The following CCNF variants were observed in gnomAD, a reference collection of about 807,000 sequenced individuals.
The protein encoded by CCNF is cyclin-F.
CCNF carries 30 observed loss-of-function variants against 85.4 expected under a neutral mutation model. That is an observed-to-expected ratio of 0.35 (90% CI 0.26 to 0.48). The LOEUF (loss-of-function observed/expected upper bound fraction) is 0.48. Ranked by LOEUF, CCNF falls within the 20% of genes least tolerant of loss-of-function variation. CCNF has a pLI of 0.99. For missense variants in CCNF, 919 were observed against 1,010.4 expected (o/e 0.91, Z 1.23); for synonymous variants, 439 against 425.1 (o/e 1.03, Z -0.40).
chr16:2,441,816 CA>C (rs1199135856), intron 8 of CCNF, among the ~76,000 whole-genome samples: 3 of 147,664 alleles, frequency 2.0e-5, no homozygotes, highest in South Asian at 4.3e-4. Context: ...TGCACCTGGC[CA>C]AAAAAAATTA....
Position 2,456,235 on chromosome 16 carries a change from A to C in CCNF, c.1886-310A>C, listed in dbSNP as rs376665678. On this transcript the variant is annotated intron_variant, in intron 16 of 16. Transcript: ENST00000397066. The surrounding 1 kb of genome is among the most constrained non-coding windows in gnomAD (Gnocchi z 4.5). The stretch of plus-strand genomic sequence containing the variant: ...TCACTGCCCTGTGCAAACCCCAGGC[A>C]GACTGCGGGGTCCTTGCCAGAAGCC... The C allele has an allele frequency of 9.0e-6, 3 of 331,978 alleles. No individual in the cohort carries two copies. Among genetic ancestry groups the C allele is most frequent in the Non-Finnish European group, 1.7e-5 (3 of 180,378 alleles). The allele number at this position is 331,978 out of a possible 1,614,324, so 20.6% of individuals were successfully genotyped here.
rs543813373 is a variant in CCNF, at chr16:2,456,551, C to T, written c.1892C>T (p.Ala631Val). ...SEGEKEGDVT[A>V]PSGILDVTVV... Reference sequence around the variant, plus strand: ...CCCACCAACCTTCCTGCAGTGACAGCTCCCAGCGGCATCCTCGATGTCACC... The same window carrying T: ...CCCACCAACCTTCCTGCAGTGACAGTTCCCAGCGGCATCCTCGATGTCACC... The change falls in exon 17 of 17, where the codon GCT (alanine) becomes GTT (valine). Residue 631 changes from alanine (A) to valine (V), a missense_variant. Ala to Val is a moderately conservative substitution (Grantham distance 64). Transcript: ENST00000397066. This position sits in a 1 kb window ranked among gnomAD's most constrained non-coding sequence, Gnocchi z 4.5. 1.0e-5 allele frequency: 16 copies of T among 1,534,160 alleles called. No individual in the cohort carries two copies. The South Asian group carries it at 1.9e-4, about 18-fold the overall frequency.
At position 2,448,902 on chromosome 16, in the gene CCNF, C is replaced by T. The variant is rs769537532; in HGVS notation, c.1142C>T (p.Thr381Met). The change falls in exon 11 of 17, where the codon ACG becomes ATG. Residue 381 changes from threonine (T) to methionine (M), a missense_variant. This residue lies in a region of CCNF where 4 missense variants were observed against 16.9 expected (regional missense o/e 0.24). Transcript: ENST00000397066. ...ACCATCCGGGAGGCCGTATGGCTCA[C>T]GGACAACACTTACAAGTACGAGGAC... ...ILTIREAVWLTDNTYKYEDLV... is the reference protein window; with the variant it reads ...ILTIREAVWLMDNTYKYEDLV... The T allele has an allele frequency of 3.7e-6, 6 of 1,613,822 alleles. No individual in the cohort carries two copies. Among genetic ancestry groups the T allele is most frequent in the Non-Finnish European group, 5.1e-6 (6 of 1,179,822 alleles).
At chr16:2,437,370 C>T in intron 5 of CCNF, 48 bp downstream of exon 5, 2 of 1,422,048 alleles carry the variant, frequency 1.4e-6, no homozygotes, top group Non-Finnish European at 1.9e-6. Context: ...TGCAGGGTCC[C>T]AGGACACAGG....
chr16:2,447,862 A>T (rs2065370634), intron 10 of CCNF, among the ~76,000 whole-genome samples: 1 of 151,962 alleles, frequency 6.6e-6, no homozygotes, highest in African/African-American at 2.4e-5. Context: ...TTGGCCACTG[A>T]CATCTTGTCT....
intron 2 of CCNF, 71 bp from the exon 3 acceptor site, chr16:2,432,890 C>G: frequency 1.1e-6 from 1 of 892,950 alleles, no homozygotes; most frequent in Non-Finnish European, 1.8e-6. Flanking sequence ...CTCTCGTCCT[C>G]AAGAGCCTCC....
At chr16:2,437,627 G>A (rs2065298548) in intron 5 of CCNF, 3 of 359,468 alleles carry the variant, frequency 8.3e-6, no homozygotes, top group Non-Finnish European at 1.5e-5. Flanking sequence ...GGTGGCTCAC[G>A]CCTGTCATCC....
At position 2,445,494 on chromosome 16, in the gene CCNF, C is replaced by T; in HGVS notation, c.966C>T (p.Thr322=). Residue 322 remains threonine, a synonymous_variant, in exon 10 of 17, where the codon ACC becomes ACT. Transcript: ENST00000397066. ...ILIDWLVEVA[T]MKDFTSLCLH... ...TCGACTGGCTGGTGGAAGTTGCCAC[C>T]ATGAAGGACTTCACAAGCCTGTGCC... 1 of 1,614,020 alleles carries T rather than the reference C, an allele frequency of 6.2e-7. No homozygotes were observed. The highest frequency in any genetic ancestry group is 8.5e-7 in the Non-Finnish European group (1 of 1,180,028).
chr16:2,434,085 C>T (rs2065275666), intron 3 of CCNF, among the ~76,000 whole-genome samples: 1 of 152,114 alleles, frequency 6.6e-6, no homozygotes, highest in South Asian at 2.1e-4. Flanking sequence ...GCGGGTGGAT[C>T]ACTTGAGGTC....
Position 2,438,058 on chromosome 16 carries a change from CTT to C in CCNF, c.541-6_541-5del. 1 of 1,602,896 alleles carries C rather than the reference CTT, an allele frequency of 6.2e-7. No individual in the cohort carries two copies. The highest frequency in any genetic ancestry group is 1.1e-5 in the South Asian group (1 of 90,868). ...GTGCTGGAAATCACACTTCTTTCTC[CTT>C]TTTTTAAAGACTCACAAAGCATCCA... is the stretch of plus-strand genomic sequence containing the variant. On this transcript the variant is annotated splice_polypyrimidine_tract_variant and intron_variant, in intron 5 of 16. Transcript: ENST00000397066.
intron 10 of CCNF, among the ~76,000 whole-genome samples, chr16:2,446,193 C>G (rs1370472890): frequency 6.6e-6 from 1 of 151,992 alleles, no homozygotes; most frequent in African/African-American, 2.4e-5. Flanking sequence ...CATGCAGTCT[C>G]AGGACCCAAA....
chr16:2,442,818 A>G (rs1418433556), intron 8 of CCNF, among the ~76,000 whole-genome samples: 2 of 83,928 alleles, frequency 2.4e-5, no homozygotes, highest in Non-Finnish European at 2.1e-5. Context: ...AATATATTCT[A>G]TAATATATGT....
At chr16:2,429,754 ACGATCGGGTCCCGGGGCAGCGATCCGG>A (rs1443514804) in intron 1 of CCNF, among the ~76,000 whole-genome samples, 12 of 151,516 alleles carry the variant, frequency 7.9e-5, no homozygotes, top group African/African-American at 1.9e-4. Context: ...TCCTGGGGCA[ACGATCGGGTCCCGGGGCAGCGATCCGG>A]CGATCGGGTC....
At chr16:2,449,776 A>ACCCCCTCCG in intron 12 of CCNF, 52 bp from the exon 13 acceptor site, 1 of 383,522 alleles carries the variant, frequency 2.6e-6, no homozygotes, top group Non-Finnish European at 4.3e-6. Context: ...CGTCCCCTCC[A>ACCCCCTCCG]TCCCCTCCGT....
chr16:2,439,158 C>A (rs577808262), intron 6 of CCNF, among the ~76,000 whole-genome samples, 195 bp from the exon 7 acceptor site: 220 of 152,186 alleles, frequency 1.4e-3, no homozygotes, highest in Non-Finnish European at 2.4e-3. Context: ...ATTAGCCGGG[C>A]ATGATGGTGG....
At chr16:2,454,835 G>A (rs778959034) in intron 15 of CCNF, among the ~76,000 whole-genome samples, 20 of 152,080 alleles carry the variant, frequency 1.3e-4, no homozygotes, top group Admixed American at 2.6e-4. Context: ...CGAGGTGGGC[G>A]GATCACCTGA....
intron 8 of CCNF, among the ~76,000 whole-genome samples, chr16:2,442,368 T>A (rs1277555927): frequency 2.6e-5 from 3 of 116,078 alleles, no homozygotes. Flanking sequence ...TATTATATTA[T>A]AACATAATTA....
Position 2,439,386 on chromosome 16 carries a change from T to TCC in CCNF, c.628_629insCC (p.Phe210SerfsTer11), listed in dbSNP as rs2065308970. 1 of 1,609,792 alleles carries TCC rather than the reference T, an allele frequency of 6.2e-7. No homozygotes were observed. The highest frequency in any genetic ancestry group is 8.5e-7 in the Non-Finnish European group (1 of 1,178,472). ...GAAGCAGCAGCAGGCCCATGACCTG[T>TCC]TTGAGGAGGCTGCTCATCAGGGATG... is the stretch of plus-strand genomic sequence containing the variant. On this transcript the variant is annotated frameshift_variant, in exon 7 of 17. Transcript: ENST00000397066. LOFTEE classifies it high-confidence loss of function.
intron 1 of CCNF, 38 bp downstream of exon 1, chr16:2,429,535 A>G (rs1409331337): frequency 2.4e-6 from 3 of 1,228,056 alleles, no homozygotes; most frequent in Non-Finnish European, 3.0e-6. Flanking sequence ...TCTGCCCCAC[A>G]CCCCTTCTGC....
Sources: allele counts gnomAD v4.1 joint callset (sites outside exome capture counted in the v4.1 genomes callset), GRCh38; gene constraint gnomAD v4.1.1; regional missense constraint gnomAD v4.1.1; non-coding constraint Gnocchi (gnomAD v3.1); transcripts MANE v1.5; gene names NCBI Gene and HGNC (gene_info 2026-07-23, HGNC 2026-07-21).